Variants in ROBO1 observed in about 807,000 individuals in gnomAD.
The protein encoded by ROBO1 is roundabout guidance receptor 1.
In ROBO1, 149 loss-of-function variants were observed where a neutral mutation model predicts 195.9. The observed-to-expected ratio is 0.76, with a 90% confidence interval of 0.67 to 0.87. ROBO1 has a LOEUF of 0.87. Among genes scored for constraint, ROBO1 ranks in the 40% least tolerant of loss-of-function variants. ROBO1 has a pLI of 0.00. For missense variants in ROBO1, 1,933 were observed against 2,068.3 expected, an observed-to-expected ratio of 0.93 and a Z score of 1.27; for synonymous variants, 816 against 733.2, an observed-to-expected ratio of 1.11 and a Z score of -1.82.
At chr3:79,593,782 T>G (rs775783375) in intron 1 of ROBO1, among the ~76,000 whole-genome samples, 5 of 151,886 alleles carry the variant, frequency 3.3e-5, no homozygotes, top group Non-Finnish European at 7.4e-5. Context: ...GGCTAATTTT[T>G]TAAATATTTT....
intron 5 of ROBO1, among the ~76,000 whole-genome samples, chr3:78,724,340 C>G (rs192918876): frequency 6.6e-6 from 1 of 151,868 alleles, no homozygotes; most frequent in African/African-American, 2.4e-5. Flanking sequence ...TGACCCTGAT[C>G]GAATATAACA....
chr3:79,691,131 G>A (rs1235665768), intron 1 of ROBO1, among the ~76,000 whole-genome samples: 1 of 151,822 alleles, frequency 6.6e-6, no homozygotes, highest in African/African-American at 2.4e-5. Context: ...GTAAGAACAA[G>A]TCCCTGTATT....
At chr3:79,317,439 A>T (rs1576966515) in intron 2 of ROBO1, among the ~76,000 whole-genome samples, 2 of 152,084 alleles carry the variant, frequency 1.3e-5, no homozygotes, top group East Asian at 3.8e-4. Flanking sequence ...ATTTTGCTTA[A>T]CATTACAAAA....
chr3:79,438,164 G>T (rs1389657276), intron 2 of ROBO1, among the ~76,000 whole-genome samples: 1 of 151,428 alleles, frequency 6.6e-6, no homozygotes, highest in African/African-American at 2.4e-5. Context: ...ATTTATATAC[G>T]ATTTTGAATA....
At chr3:78,611,963 A>G (rs539804279) in intron 28 of ROBO1, among the ~76,000 whole-genome samples, 2 of 152,302 alleles carry the variant, frequency 1.3e-5, no homozygotes, top group East Asian at 3.9e-4. Flanking sequence ...CTGTGAAGAA[A>G]TAAATTTCTG....
intron 4 of ROBO1, among the ~76,000 whole-genome samples, chr3:78,868,751 G>A (rs2035341912): frequency 1.3e-5 from 2 of 152,060 alleles, no homozygotes; most frequent in African/African-American, 4.8e-5. Flanking sequence ...AACACACTTG[G>A]TACATCACAG....
chr3:79,445,418 C>CGTAGTAAT (rs1368714364), intron 2 of ROBO1, among the ~76,000 whole-genome samples: 3 of 149,616 alleles, frequency 2.0e-5, no homozygotes, highest in Non-Finnish European at 4.4e-5. Flanking sequence ...GAACTATATA[C>CGTAGTAAT]GTAGTAATGT....
At chr3:79,024,995 C>T (rs1291816629) in intron 3 of ROBO1, among the ~76,000 whole-genome samples, 1 of 152,132 alleles carries the variant, frequency 6.6e-6, no homozygotes, top group African/African-American at 2.4e-5. Context: ...TCCTGTCTTA[C>T]TTTAAGTGAG....
chr3:78,826,579 A>G (rs529378819), intron 4 of ROBO1, among the ~76,000 whole-genome samples: 29 of 152,290 alleles, frequency 1.9e-4, no homozygotes, highest in Non-Finnish European at 3.8e-4. Context: ...ACTGAAATCA[A>G]TGTAAGAGTT....
At chr3:78,998,204 G>A (rs1260184783) in intron 3 of ROBO1, among the ~76,000 whole-genome samples, 2 of 152,210 alleles carry the variant, frequency 1.3e-5, no homozygotes, top group African/African-American at 4.8e-5. Context: ...CAGCTAATAC[G>A]ACTCAGAAAT....
At chr3:79,235,505 C>T (rs979117670) in intron 2 of ROBO1, among the ~76,000 whole-genome samples, 8 of 151,838 alleles carry the variant, frequency 5.3e-5, no homozygotes, top group African/African-American at 1.9e-4. Flanking sequence ...AGAATGTCAT[C>T]CAAAGTCACA....
intron 2 of ROBO1, among the ~76,000 whole-genome samples, chr3:79,287,019 T>C (rs531526319): frequency 6.6e-6 from 1 of 152,300 alleles, no homozygotes; most frequent in Non-Finnish European, 1.5e-5. Context: ...ATTGTACATA[T>C]ATGTCCTTTT....
At chr3:78,742,710 T>C (rs1559806564) in intron 5 of ROBO1, among the ~76,000 whole-genome samples, 1 of 152,194 alleles carries the variant, frequency 6.6e-6, no homozygotes, top group Non-Finnish European at 1.5e-5. Context: ...TGGATCATCA[T>C]TTTGGCAGCA....
chr3:79,362,050 A>G (rs6805334), intron 2 of ROBO1, among the ~76,000 whole-genome samples: 94,119 of 151,712 alleles, frequency 0.62, 30,897 homozygotes, highest in African/African-American at 0.85. Context: ...CATACGGTAG[A>G]TATGAATTTT....
intron 2 of ROBO1, among the ~76,000 whole-genome samples, chr3:79,269,838 C>A (rs9880736): frequency 0.62 from 94,025 of 151,436 alleles, 31,577 homozygotes; most frequent in African/African-American, 0.9. Flanking sequence ...ATCCATTTCC[C>A]CCCTAAAATC....
chr3:79,400,052 G>A (rs918946652), intron 2 of ROBO1, among the ~76,000 whole-genome samples: 19 of 152,060 alleles, frequency 1.2e-4, no homozygotes, highest in African/African-American at 4.3e-4. Context: ...AACGCTTGCT[G>A]TGTTCTGATC....
chr3:79,292,763 C>T (rs2109032399), intron 2 of ROBO1, among the ~76,000 whole-genome samples: 1 of 152,288 alleles, frequency 6.6e-6, no homozygotes, highest in South Asian at 2.1e-4. Context: ...TGATGTGCTG[C>T]TGGATTCGGT....
chr3:78,756,861 T>G (rs776870597), intron 4 of ROBO1, among the ~76,000 whole-genome samples: 6 of 152,088 alleles, frequency 3.9e-5, no homozygotes, highest in Non-Finnish European at 8.8e-5. Flanking sequence ...GAATAACAGC[T>G]CATATAGAAT....
chr3:79,665,300 T>C (rs1946444073), intron 1 of ROBO1, among the ~76,000 whole-genome samples: 1 of 151,898 alleles, frequency 6.6e-6, no homozygotes, highest in Admixed American at 6.6e-5. Flanking sequence ...TAATACTTGG[T>C]TTTGATATGG....
Sources: gnomAD v4.1 joint callset for allele counts (sites outside exome capture counted in the v4.1 genomes callset) on GRCh38, gnomAD v4.1.1 for gene constraint, MANE v1.5 for transcripts, NCBI Gene and HGNC (gene_info 2026-07-23, HGNC 2026-07-21) for gene names.